KDM6A: variants seen among roughly 807,000 people sequenced by gnomAD.
KDM6A encodes the protein lysine demethylase 6A.
KDM6A carries 11 observed loss-of-function variants against 117.6 expected under a neutral mutation model. That is an observed-to-expected ratio of 0.09 (90% CI 0.06 to 0.15). The LOEUF (loss-of-function observed/expected upper bound fraction) is 0.15. KDM6A is among the 10% of genes least tolerant of loss of function. The pLI, the probability that KDM6A is intolerant of heterozygous loss-of-function variation, is 1.00. For synonymous variants in KDM6A, 384 were observed against 396.1 expected, an observed-to-expected ratio of 0.97 and a Z score of 0.36; for missense variants, 799 against 1,077.3, an observed-to-expected ratio of 0.74 and a Z score of 3.62.
chrX:44,888,169 G>T (rs779650697), intron 2 of KDM6A, among the ~76,000 whole-genome samples: 9 of 111,078 alleles, frequency 8.1e-5, no homozygotes, highest in Non-Finnish European at 1.7e-4. Flanking sequence ...ACCGGGCGTG[G>T]TGGCGGGCAC....
chrX:44,918,044 G>A, intron 2 of KDM6A, among the ~76,000 whole-genome samples: 1 of 111,671 alleles, frequency 9.0e-6, no homozygotes, highest in Non-Finnish European at 1.9e-5. Context: ...ACTTTACAGT[G>A]TCTTATACCA....
chrX:45,007,563 T>G (rs1305672508), intron 4 of KDM6A, among the ~76,000 whole-genome samples: 1 of 111,883 alleles, frequency 8.9e-6, no homozygotes, highest in Admixed American at 9.5e-5. Flanking sequence ...ATCTTTTAAT[T>G]CTGTTTTTTT....
chrX:44,968,437 T>C (rs1279251100), intron 3 of KDM6A, among the ~76,000 whole-genome samples: 1 of 112,668 alleles, frequency 8.9e-6, no homozygotes, highest in Non-Finnish European at 1.9e-5. Context: ...AAATTGCTGA[T>C]GGGGCTCTCA....
chrX:45,008,798 T>C (rs1295548108), intron 4 of KDM6A, among the ~76,000 whole-genome samples: 1 of 111,775 alleles, frequency 8.9e-6, no homozygotes, highest in Non-Finnish European at 1.9e-5. Flanking sequence ...TTAAAAAAAA[T>C]TTAAACAGGA....
Position 45,069,995 on chromosome X carries a change from C to G in KDM6A, c.2496C>G (p.Leu832=), listed in dbSNP as rs2148047678. 7.4e-6 allele frequency: 9 copies of G among 1,211,880 alleles called. No homozygotes were observed. The highest frequency in any genetic ancestry group is 1.0e-5 in the Non-Finnish European group (9 of 895,511). The change falls in exon 18 of 30, where the codon CTC becomes CTG. Residue 832 remains leucine (L), a synonymous_variant. Transcript: ENST00000611820. ...TACTAAGTTCAGACAATCCTCAGCT[C>G]TCTGCCTTGTTGATGGGAAAAGCCA... is the stretch of plus-strand genomic sequence containing the variant. The part of the protein sequence containing the change: ...PGLLSSDNPQ[L]SALLMGKANN...
intron 27 of KDM6A, among the ~76,000 whole-genome samples, chrX:45,097,203 G>A (rs1001516972): frequency 1.8e-4 from 20 of 110,321 alleles, no homozygotes; most frequent in Non-Finnish European, 3.8e-5. Context: ...CACTGGGACC[G>A]ATTGGAGTAT....
chrX:45,025,225 T>A (rs1174792004), intron 6 of KDM6A, among the ~76,000 whole-genome samples: 1 of 111,328 alleles, frequency 9.0e-6, no homozygotes, highest in African/African-American at 3.3e-5. Flanking sequence ...TACTGTGGTG[T>A]GAACTCGGCT....
At chrX:44,923,069 C>A (rs749064626) in intron 2 of KDM6A, among the ~76,000 whole-genome samples, 1 of 111,613 alleles carries the variant, frequency 9.0e-6, no homozygotes, top group South Asian at 3.7e-4. Context: ...CTACTGTTTT[C>A]TCCTTTGCAT....
chrX:44,948,890 A>G (rs1297530349), intron 2 of KDM6A, among the ~76,000 whole-genome samples: 1 of 111,971 alleles, frequency 8.9e-6, no homozygotes, highest in African/African-American at 3.2e-5. Context: ...TGGTTGGCTT[A>G]TCAGAAGCTT....
At position 45,015,596 on chromosome X, in the gene KDM6A, A is replaced by C. The variant is rs1460368634; in HGVS notation, c.443+4577A>C. On this transcript the variant is annotated intron_variant, in intron 5 of 29. Coordinates refer to ENST00000611820, the MANE Select transcript of KDM6A (RefSeq NM_001291415.2). The stretch of plus-strand genomic sequence containing the variant: ...CGAAAGAATAATGCAACATAGACCT[A>C]ATGCATGGTGGTACCATTGATTCTG... Among the ~76,000 whole-genome samples, 3 of 111,587 alleles carry C rather than the reference A, an allele frequency of 2.7e-5. No individual in the cohort carries two copies. In the East Asian group the frequency reaches 8.4e-4, roughly 31 times the overall value.
At chrX:44,954,230 G>T (rs978909762) in intron 2 of KDM6A, among the ~76,000 whole-genome samples, 5 of 110,387 alleles carry the variant, frequency 4.5e-5, no homozygotes, top group African/African-American at 1.6e-4. Context: ...CCAGGCAAAG[G>T]CATTGCCGAA....
At chrX:45,057,513 C>G (rs1470997402) in intron 10 of KDM6A, among the ~76,000 whole-genome samples, 1 of 111,223 alleles carries the variant, frequency 9.0e-6, no homozygotes. Flanking sequence ...GTGAATGTAG[C>G]CACCCTCTTT....
chrX:45,071,679 A>G (rs768569918), intron 18 of KDM6A, among the ~76,000 whole-genome samples: 2 of 111,615 alleles, frequency 1.8e-5, no homozygotes, highest in Admixed American at 1.9e-4. Context: ...AAATTACACT[A>G]TAGTCATTTT....
chrX:44,984,340 A>G (rs1389447637), intron 4 of KDM6A, among the ~76,000 whole-genome samples: 1 of 110,581 alleles, frequency 9.0e-6, no homozygotes, highest in African/African-American at 3.3e-5. Context: ...GATTGTAAAA[A>G]TTTTCTCCCA....
intron 25 of KDM6A, among the ~76,000 whole-genome samples, chrX:45,087,440 C>T (rs1206563543): frequency 5.3e-5 from 6 of 112,780 alleles, no homozygotes; most frequent in Non-Finnish European, 1.1e-4. Flanking sequence ...CTTATGTTGT[C>T]TTCTCTATTC....
intron 2 of KDM6A, among the ~76,000 whole-genome samples, chrX:44,884,026 C>T (rs571315009): frequency 1.0e-5 from 1 of 99,496 alleles, no homozygotes; most frequent in Non-Finnish European, 2.0e-5. Flanking sequence ...AGCTTGAACC[C>T]GGGAGGTGGA....
chrX:44,946,603 T>G (rs2037647322), intron 2 of KDM6A, among the ~76,000 whole-genome samples: 1 of 111,576 alleles, frequency 9.0e-6, no homozygotes, highest in Non-Finnish European at 1.9e-5. Context: ...CTTGTACTTT[T>G]TGTCTAATTT....
At chrX:44,974,841 A>G in intron 4 of KDM6A, 126 bp downstream of exon 4, 1 of 536,400 alleles carries the variant, frequency 1.9e-6, no homozygotes, top group Non-Finnish European at 3.3e-6. Context: ...TCTAGGGGAA[A>G]GGTATTGGAA....
At chrX:45,100,824 A>AT (rs1374452780) in intron 27 of KDM6A, among the ~76,000 whole-genome samples, 1 of 108,490 alleles carries the variant, frequency 9.2e-6, no homozygotes, top group Non-Finnish European at 1.9e-5. Flanking sequence ...ACTGTTTTAT[A>AT]TTTTTTCTTT....
Sources: gnomAD v4.1 joint callset for allele counts (sites outside exome capture counted in the v4.1 genomes callset) on GRCh38, gnomAD v4.1.1 for gene constraint, MANE v1.5 for transcripts, NCBI Gene and HGNC (gene_info 2026-07-23, HGNC 2026-07-21) for gene names.